SHLD1: variants seen among roughly 807,000 people sequenced by gnomAD.
SHLD1 encodes RINN1-REV7-interacting novel NHEJ regulator 3.
Under a neutral mutation model 5.5 loss-of-function variants are expected in SHLD1, and 3 were observed. That is an observed-to-expected ratio of 0.54 (90% CI 0.25 to 1.40). SHLD1 has a LOEUF of 1.40. Among genes scored for constraint, SHLD1 ranks in the 40% most tolerant of loss-of-function variants. SHLD1 has a pLI of 0.15. For missense variants in SHLD1, 210 were observed against 244.4 expected, an observed-to-expected ratio of 0.86 and a Z score of 0.94; for synonymous variants, 92 against 94.3, an observed-to-expected ratio of 0.98 and a Z score of 0.14.
chr20:5,790,091 G>A (rs1264987718), intron 2 of SHLD1, among the ~76,000 whole-genome samples: 1 of 152,134 alleles, frequency 6.6e-6, no homozygotes. Flanking sequence ...AAATGATCTG[G>A]CCTGGGAAGC....
rs1460082835 is a variant in SHLD1, at chr20:5,844,799, A to ATATATATATATTTT, written c.179-18224_179-18223insATATATATATTTTT. ...TATATATATATATATATATATATATATTTTTTTTTTTTTGAGACACAGTCT... is the reference window on the plus strand; with the variant it reads ...TATATATATATATATATATATATATATATATATATATTTTTTTTTTTTTTTTTGAGACACAGTCT... On this transcript the variant is annotated intron_variant, in intron 2 of 2. Coordinates refer to ENST00000303142, the MANE Select transcript of SHLD1 (RefSeq NM_152504.4). Among the ~76,000 whole-genome samples, 15 of 71,716 alleles carry ATATATATATATTTT rather than the reference A, an allele frequency of 2.1e-4. No individual in the cohort carries two copies. The East Asian group carries it at 4.9e-3, about 23-fold the overall frequency. The allele number at this position is 71,716 out of a possible 152,430, so 47.0% of individuals were successfully genotyped here.
chr20:5,763,345 TA>T, intron 1 of SHLD1, among the ~76,000 whole-genome samples: 1 of 150,720 alleles, frequency 6.6e-6, no homozygotes, highest in South Asian at 2.1e-4. Flanking sequence ...ATTATCATTG[TA>T]AAAGGAAAAT....
chr20:5,783,373 G>A (rs2087013137), intron 2 of SHLD1, among the ~76,000 whole-genome samples: 1 of 152,020 alleles, frequency 6.6e-6, no homozygotes, highest in Admixed American at 6.6e-5. Flanking sequence ...ACAGGAGCCC[G>A]CCACCACACC....
intron 1 of SHLD1, among the ~76,000 whole-genome samples, chr20:5,751,864 G>A (rs1983769225): frequency 1.3e-5 from 2 of 152,148 alleles, no homozygotes; most frequent in South Asian, 2.1e-4. Flanking sequence ...TACATGGAAG[G>A]TATACATTGG....
chr20:5,860,250 T>G (rs1461278020), intron 2 of SHLD1, among the ~76,000 whole-genome samples: 2 of 152,242 alleles, frequency 1.3e-5, no homozygotes, highest in Non-Finnish European at 2.9e-5. Flanking sequence ...GTTAGGCAAT[T>G]ACCCAAGCTA....
chr20:5,819,319 C>T (rs904000070), intron 2 of SHLD1, among the ~76,000 whole-genome samples: 2 of 152,160 alleles, frequency 1.3e-5, no homozygotes, highest in East Asian at 3.9e-4. Flanking sequence ...AACTTTGTTA[C>T]GTAAAAGTTG....
chr20:5,854,315 T>C (rs1372207286), intron 2 of SHLD1, among the ~76,000 whole-genome samples: 1 of 152,072 alleles, frequency 6.6e-6, no homozygotes, highest in African/African-American at 2.4e-5. Context: ...CTTATGTTTT[T>C]TGGTATTTTT....
At chr20:5,757,067 C>CT (rs1984158265) in intron 1 of SHLD1, among the ~76,000 whole-genome samples, 1 of 138,362 alleles carries the variant, frequency 7.2e-6, no homozygotes. Context: ...TTTTTTCTTT[C>CT]TTTCTTTTTT....
At chr20:5,780,252 A>G (rs1372034871) in intron 2 of SHLD1, among the ~76,000 whole-genome samples, 1 of 152,116 alleles carries the variant, frequency 6.6e-6, no homozygotes, top group Non-Finnish European at 1.5e-5. Flanking sequence ...GTGCTGAATT[A>G]CAGGTGTGAG....
At chr20:5,851,109 C>T (rs1460480039) in intron 2 of SHLD1, among the ~76,000 whole-genome samples, 1 of 152,124 alleles carries the variant, frequency 6.6e-6, no homozygotes, top group Non-Finnish European at 1.5e-5. Context: ...GGCTGCCATC[C>T]GAATGCCACC....
chr20:5,805,329 G>T (rs1341253583), intron 2 of SHLD1, among the ~76,000 whole-genome samples: 4 of 151,880 alleles, frequency 2.6e-5, no homozygotes, highest in Non-Finnish European at 1.5e-5. Flanking sequence ...GGCTAATTTT[G>T]TATTTTTAGT....
chr20:5,791,610 GA>G (rs991583414), intron 2 of SHLD1, among the ~76,000 whole-genome samples: 3 of 143,392 alleles, frequency 2.1e-5, no homozygotes, highest in Non-Finnish European at 4.6e-5. Context: ...TGATAGAACT[GA>G]AAAATATAGC....
intron 1 of SHLD1, among the ~76,000 whole-genome samples, chr20:5,764,152 T>C (rs477829): frequency 2.9e-5 from 2 of 70,062 alleles, no homozygotes; most frequent in Non-Finnish European, 5.8e-5. Context: ...ATATATATAT[T>C]TATATTTATA....
intron 2 of SHLD1, among the ~76,000 whole-genome samples, chr20:5,785,161 A>G (rs2087042597): frequency 6.6e-6 from 1 of 152,224 alleles, no homozygotes; most frequent in South Asian, 2.1e-4. Flanking sequence ...CACCGTCACT[A>G]GTTTCATTCA....
chr20:5,820,127 T>C (rs1260004488), intron 2 of SHLD1, among the ~76,000 whole-genome samples: 1 of 151,996 alleles, frequency 6.6e-6, no homozygotes, highest in African/African-American at 2.4e-5. Flanking sequence ...TTTCTATTTT[T>C]AGTAGAGACA....
chr20:5,814,465 G>A (rs2087501472), intron 2 of SHLD1, among the ~76,000 whole-genome samples: 2 of 151,980 alleles, frequency 1.3e-5, no homozygotes, highest in Non-Finnish European at 2.9e-5. Context: ...TTTGTTAAAT[G>A]TTCTAGAATT....
At chr20:5,787,940 G>T (rs901926941) in intron 2 of SHLD1, among the ~76,000 whole-genome samples, 2 of 152,094 alleles carry the variant, frequency 1.3e-5, no homozygotes, top group African/African-American at 4.8e-5. Context: ...AAAGCCCCTG[G>T]CTTTTTTTCC....
chr20:5,760,513 C>T (rs1393763812), intron 1 of SHLD1, among the ~76,000 whole-genome samples: 1 of 151,764 alleles, frequency 6.6e-6, no homozygotes, highest in African/African-American at 2.4e-5. Flanking sequence ...ACCAACATGG[C>T]AAAACCCTGT....
At chr20:5,760,444 A>G (rs1405930501) in intron 1 of SHLD1, among the ~76,000 whole-genome samples, 2 of 151,966 alleles carry the variant, frequency 1.3e-5, no homozygotes, top group African/African-American at 2.4e-5. Context: ...TGTAATCCCA[A>G]CACTTTGGGA....
Sources: gnomAD v4.1 joint callset for allele counts (sites outside exome capture counted in the v4.1 genomes callset) on GRCh38, gnomAD v4.1.1 for gene constraint, MANE v1.5 for transcripts, NCBI Gene and HGNC (gene_info 2026-07-23, HGNC 2026-07-21) for gene names.